The following AK7 variants were observed in gnomAD, a reference collection of about 807,000 sequenced individuals.
AK7 encodes the protein ATP-AMP transphosphorylase 7.
AK7 carries 78 observed loss-of-function variants against 96.6 expected under a neutral mutation model. That is an observed-to-expected ratio of 0.81 (90% CI 0.67 to 0.97). The LOEUF (loss-of-function observed/expected upper bound fraction) is 0.97, where lower values mean the gene tolerates loss of function less well. Ranked by LOEUF, AK7 falls within the 50% of genes least tolerant of loss-of-function variation. AK7 has a pLI of 0.00. For synonymous variants in AK7, 302 were observed against 317.2 expected (o/e 0.95, Z 0.51); for missense variants, 855 against 887.9 (o/e 0.96, Z 0.47).
At position 96,478,000 on chromosome 14, in the gene AK7, C is replaced by T. The variant is rs1222212891; in HGVS notation, c.1556-465C>T. Among the ~76,000 whole-genome samples, 3 of 152,068 alleles carry T rather than the reference C, an allele frequency of 2.0e-5. 1 individual carries two copies. The highest frequency in any genetic ancestry group is 4.4e-5 in the Non-Finnish European group (3 of 68,020). ...GAGATCAGCCCGCACATAGTAAGAC[C>T]TTGTATCTCTCTAAAATAAATATAC... On this transcript the variant is annotated intron_variant, in intron 14 of 17. Transcript: ENST00000267584.
chr14:96,433,935 C>T lies in AK7; in HGVS notation c.610-3900C>T, dbSNP rs546219500. 1.3e-4 allele frequency among the ~76,000 whole-genome samples: 20 copies of T among 152,180 alleles called. No homozygotes were observed. In the South Asian group the frequency reaches 1.5e-3, roughly 11 times the overall value. On this transcript the variant is annotated intron_variant, in intron 5 of 17. Transcript: ENST00000267584. The stretch of plus-strand genomic sequence containing the variant: ...TTTCAATCTCTTTGTTAAATTCATC[C>T]GATGGAATTCTGAATTCCTTCTCTG...
Position 96,462,801 on chromosome 14 carries a change from CA to C in AK7, c.1357+4593del, listed in dbSNP as rs1284529048. Among the ~76,000 whole-genome samples, 8 of 151,788 alleles carry C rather than the reference CA, an allele frequency of 5.3e-5. No homozygotes were observed. In the East Asian group the frequency reaches 1.4e-3, roughly 26 times the overall value. On this transcript the variant is annotated intron_variant, in intron 12 of 17. Coordinates refer to ENST00000267584, the MANE Select transcript of AK7 (RefSeq NM_152327.5). ...GCAGCTATCTAATTTTTTTTTTAAA[CA>C]AAACACATATTATTACTGTAATCAA... is the stretch of plus-strand genomic sequence containing the variant.
chr14:96,480,024 G>A (rs769608451), intron 15 of AK7, among the ~76,000 whole-genome samples: 1 of 152,194 alleles, frequency 6.6e-6, no homozygotes, highest in Non-Finnish European at 1.5e-5. Flanking sequence ...TTGCAGGATT[G>A]TTACAAACGG....
chr14:96,456,450 T>C lies in AK7; in HGVS notation c.1202T>C (p.Val401Ala), dbSNP rs755869655. 8 of 1,613,822 alleles carry C rather than the reference T, an allele frequency of 5.0e-6. No individual in the cohort carries two copies. The highest frequency in any genetic ancestry group is 6.8e-6 in the Non-Finnish European group (8 of 1,179,826). ...CTGCATCACATCCAACTGAAGGATG[T>C]CATTTCTGAAGCCATAGCAAAACTG... is the stretch of plus-strand genomic sequence containing the variant. Reference protein sequence around the residue: ...YKLHHIQLKDVISEAIAKLEA... With the variant: ...YKLHHIQLKDAISEAIAKLEA... The change falls in exon 11 of 18, where the codon GTC becomes GCC. Residue 401 changes from valine to alanine, a missense_variant. Physicochemically the swap from Val to Ala is moderately conservative, Grantham distance 64. Coordinates refer to ENST00000267584, the MANE Select transcript of AK7 (RefSeq NM_152327.5).
chr14:96,395,472 C>A (rs953501379), intron 1 of AK7, among the ~76,000 whole-genome samples: 1 of 151,914 alleles, frequency 6.6e-6, no homozygotes, highest in African/African-American at 2.4e-5. Flanking sequence ...ATGAGTGGAC[C>A]TACAAAGTTC....
At chr14:96,456,654 C>T in intron 11 of AK7, 179 bp downstream of exon 11, 1 of 609,422 alleles carries the variant, frequency 1.6e-6, no homozygotes, top group South Asian at 2.0e-5. Context: ...TCTCTTCCCC[C>T]TCAGGCCTGA....
At chr14:96,453,165 A>G (rs1214166548) in intron 10 of AK7, among the ~76,000 whole-genome samples, 1 of 152,178 alleles carries the variant, frequency 6.6e-6, no homozygotes, top group Non-Finnish European at 1.5e-5. Flanking sequence ...ACTTAGCAAA[A>G]GAAATAATGA....
intron 17 of AK7, 69 bp from the exon 18 acceptor site, chr14:96,488,236 C>A: frequency 7.0e-7 from 1 of 1,434,870 alleles, no homozygotes; most frequent in Non-Finnish European, 9.7e-7. Flanking sequence ...AAATTGTAAA[C>A]ATTACTAATA....
At chr14:96,394,185 G>A (rs1405365877) in intron 1 of AK7, among the ~76,000 whole-genome samples, 1 of 152,026 alleles carries the variant, frequency 6.6e-6, no homozygotes, top group Admixed American at 6.5e-5. Context: ...GTTCTCAGAG[G>A]GCACAGCAAA....
intron 15 of AK7, among the ~76,000 whole-genome samples, chr14:96,479,001 C>A (rs139122646): frequency 6.6e-6 from 1 of 151,830 alleles, no homozygotes; most frequent in Non-Finnish European, 1.5e-5. Flanking sequence ...CTCTGCTTCC[C>A]GGGTTCAAGC....
chr14:96,393,202 C>A (rs1330165873), intron 1 of AK7, among the ~76,000 whole-genome samples: 1 of 152,126 alleles, frequency 6.6e-6, no homozygotes, highest in East Asian at 1.9e-4. Flanking sequence ...TTTTATCATT[C>A]CCTGTGGGTA....
chr14:96,444,841 C>T (rs1308231261), intron 7 of AK7, among the ~76,000 whole-genome samples: 1 of 152,144 alleles, frequency 6.6e-6, no homozygotes, highest in Non-Finnish European at 1.5e-5. Context: ...CCTCAGCCTC[C>T]CAAGTAGCTG....
At chr14:96,478,939 C>T (rs1233098266) in intron 15 of AK7, among the ~76,000 whole-genome samples, 10 of 150,136 alleles carry the variant, frequency 6.7e-5, no homozygotes, top group African/African-American at 9.8e-5. Context: ...GATGGAGTCT[C>T]GCTCAGTTGC....
intron 6 of AK7, among the ~76,000 whole-genome samples, chr14:96,441,423 G>A (rs1892949993): frequency 6.6e-6 from 1 of 152,008 alleles, no homozygotes; most frequent in Non-Finnish European, 1.5e-5. Context: ...TAGATCACCT[G>A]AGGTCAGGAG....
intron 5 of AK7, chr14:96,424,101 G>C: frequency 1.5e-6 from 1 of 670,236 alleles, no homozygotes; most frequent in Non-Finnish European, 2.8e-6. Flanking sequence ...GATCGGGCAC[G>C]GTGCTCCGCT....
chr14:96,472,318 C>T (rs1301860472), intron 13 of AK7, among the ~76,000 whole-genome samples: 3 of 152,134 alleles, frequency 2.0e-5, no homozygotes, highest in South Asian at 2.1e-4. Context: ...TGCATGACCA[C>T]GCCCGACTAA....
rs768460103 is a variant in AK7 at position 96,471,595 on chromosome 14, A to C, written c.1475A>C (p.Asp492Ala). 2 of 1,569,822 alleles carry C rather than the reference A, an allele frequency of 1.3e-6. No homozygotes were observed. The highest frequency in any genetic ancestry group is 8.6e-7 in the Non-Finnish European group (1 of 1,162,140). ...CCAAAGACCTATGATCAAGCAAAAG[A>C]CCTGTTCAATCGTAAGTTTGAGTGT... Reference protein sequence around the residue: ...GFPKTYDQAKDLFNQEDEEEE... With the variant: ...GFPKTYDQAKALFNQEDEEEE... The change falls in exon 13 of 18, where the codon GAC becomes GCC. Residue 492 changes from aspartate (D) to alanine (A), a missense_variant. Asp to Ala is a moderately radical substitution (Grantham distance 126). Transcript: ENST00000267584.
intron 2 of AK7, among the ~76,000 whole-genome samples, chr14:96,402,663 T>A (rs1009503119): frequency 2.0e-5 from 3 of 152,144 alleles, no homozygotes; most frequent in African/African-American, 4.8e-5. Context: ...GGATCAAAAT[T>A]GTCAGTGGCT....
chr14:96,446,177 TG>T (rs1399367798), intron 7 of AK7, among the ~76,000 whole-genome samples: 2 of 152,256 alleles, frequency 1.3e-5, no homozygotes, highest in Non-Finnish European at 1.5e-5. Flanking sequence ...GGGGTCCTGC[TG>T]GGGGCCGGTC....
Sources: allele counts gnomAD v4.1 joint callset (sites outside exome capture counted in the v4.1 genomes callset), GRCh38; gene constraint gnomAD v4.1.1; transcripts MANE v1.5; gene names NCBI Gene and HGNC (gene_info 2026-07-23, HGNC 2026-07-21).